The following CNTNAP4 variants were observed in gnomAD, a reference collection of about 807,000 sequenced individuals.
CNTNAP4 encodes contactin associated protein family member 4, also known as contactin-associated protein-like 4.
CNTNAP4 carries 98 observed loss-of-function variants against 148.4 expected under a neutral mutation model. That is an observed-to-expected ratio of 0.66 (90% confidence interval 0.56 to 0.78). The LOEUF is 0.78. CNTNAP4 is among the 30% of genes least tolerant of loss of function. The pLI is 0.00. For synonymous variants in CNTNAP4, 730 were observed against 565.1 expected (o/e 1.29, Z -4.14); for missense variants, 1,935 against 1,565.6 (o/e 1.24, Z -3.98).
At chr16:76,354,430 T>C (rs1484150897) in intron 2 of CNTNAP4, among the ~76,000 whole-genome samples, 1 of 152,176 alleles carries the variant, frequency 6.6e-6, no homozygotes, top group East Asian at 1.9e-4. Flanking sequence ...TACTTCTGAG[T>C]GATCAAGCAC....
In CNTNAP4 at chr16:76,292,495, A is replaced by G. The variant is rs527337183; in HGVS notation, c.85+14748A>G. 1.6e-4 allele frequency among the ~76,000 whole-genome samples: 25 copies of G among 152,154 alleles called. No individual in the cohort carries two copies. In the East Asian group the frequency reaches 4.7e-3, roughly 28 times the overall value. ...CAGCGGCATTACCAATCTTCCCTAC[A>G]TGTGTTCCTCTCTGGAGCTCAGTGC... On this transcript the variant is annotated intron_variant, in intron 1 of 23. Coordinates refer to ENST00000611870, the MANE Select transcript of CNTNAP4 (RefSeq NM_033401.5).
At chr16:76,503,610 T>C (rs1410358580) in intron 15 of CNTNAP4, among the ~76,000 whole-genome samples, 1 of 152,168 alleles carries the variant, frequency 6.6e-6, no homozygotes, top group Non-Finnish European at 1.5e-5. Flanking sequence ...ACATGTGCCA[T>C]GTTGGTGTGC....
At chr16:76,326,380 T>C (rs1459180361) in intron 2 of CNTNAP4, among the ~76,000 whole-genome samples, 3 of 152,210 alleles carry the variant, frequency 2.0e-5, no homozygotes, top group African/African-American at 7.2e-5. Flanking sequence ...TCTTGCCTGA[T>C]GCCAGTTCAT....
intron 21 of CNTNAP4, among the ~76,000 whole-genome samples, chr16:76,548,461 T>G (rs1307275624): frequency 6.6e-6 from 1 of 152,110 alleles, no homozygotes; most frequent in East Asian, 1.9e-4. Context: ...AAAGCACTCC[T>G]TGTAATTGTT....
chr16:76,401,923 G>T (rs1444493780), intron 3 of CNTNAP4, among the ~76,000 whole-genome samples: 1 of 152,158 alleles, frequency 6.6e-6, no homozygotes, highest in East Asian at 1.9e-4. Context: ...GCTTTTTGAA[G>T]TGCTTCTGGA....
chr16:76,434,155 G>A (rs1597522309), intron 4 of CNTNAP4, among the ~76,000 whole-genome samples: 1 of 149,370 alleles, frequency 6.7e-6, no homozygotes, highest in East Asian at 1.9e-4. Flanking sequence ...TAGAAATATT[G>A]AAATATCGAA....
intron 3 of CNTNAP4, among the ~76,000 whole-genome samples, chr16:76,398,129 C>T (rs2078278078): frequency 6.6e-6 from 1 of 150,426 alleles, no homozygotes; most frequent in Admixed American, 6.7e-5. Flanking sequence ...AGGAAGCATC[C>T]AGCGTGGCAG....
intron 4 of CNTNAP4, among the ~76,000 whole-genome samples, chr16:76,434,153 T>C (rs1040079661): frequency 3.3e-5 from 5 of 149,688 alleles, no homozygotes; most frequent in Admixed American, 6.7e-5. Context: ...ACTAGAAATA[T>C]TGAAATATCG....
intron 21 of CNTNAP4, among the ~76,000 whole-genome samples, chr16:76,541,694 T>C (rs73621251): frequency 0.013 from 1,906 of 152,280 alleles, 51 homozygotes; most frequent in African/African-American, 0.043. Context: ...ATTAAACCCA[T>C]AGGTGAATGA....
intron 3 of CNTNAP4, among the ~76,000 whole-genome samples, chr16:76,364,078 A>T (rs191426474): frequency 2.5e-4 from 38 of 151,980 alleles, no homozygotes; most frequent in Middle Eastern, 6.8e-3. Context: ...ATCTATTAAG[A>T]ATACAAAAAT....
chr16:76,292,044 G>T (rs994275782), intron 1 of CNTNAP4, among the ~76,000 whole-genome samples: 1 of 152,172 alleles, frequency 6.6e-6, no homozygotes, highest in Non-Finnish European at 1.5e-5. Flanking sequence ...CTCATTGGTT[G>T]TCCATTGACT....
chr16:76,500,089 G>T (rs1479734799), intron 15 of CNTNAP4, among the ~76,000 whole-genome samples: 1 of 152,138 alleles, frequency 6.6e-6, no homozygotes, highest in Admixed American at 6.5e-5. Flanking sequence ...TCCCTGACGG[G>T]GTGGCGGCGG....
rs888767071 is a variant in CNTNAP4 at position 76,343,044 on chromosome 16, A to G, written c.197-12274A>G. Among the ~76,000 whole-genome samples the G allele has an allele frequency of 3.3e-5, 5 of 152,214 alleles. No individual in the cohort carries two copies. The East Asian group carries it at 5.8e-4, about 18-fold the overall frequency. On this transcript the variant is annotated intron_variant, in intron 2 of 23. Transcript: ENST00000611870. Reference sequence around the variant, plus strand: ...TTCAGGAAAATGCAAGGGTGTGGATAAGATTCATAGTATTGCCAGAAGCAA... The same window carrying G: ...TTCAGGAAAATGCAAGGGTGTGGATGAGATTCATAGTATTGCCAGAAGCAA...
chr16:76,447,408 T>G (rs1228085478), intron 4 of CNTNAP4, among the ~76,000 whole-genome samples: 1 of 150,830 alleles, frequency 6.6e-6, no homozygotes, highest in African/African-American at 2.5e-5. Context: ...TATTTCTAGA[T>G]CATGAATTTT....
intron 2 of CNTNAP4, among the ~76,000 whole-genome samples, chr16:76,348,648 G>C (rs186967173): frequency 6.6e-6 from 1 of 152,072 alleles, no homozygotes; most frequent in Non-Finnish European, 1.5e-5. Flanking sequence ...AGTATCAAAC[G>C]CCACAGATTG....
intron 2 of CNTNAP4, among the ~76,000 whole-genome samples, chr16:76,333,785 T>G (rs1174040177): frequency 3.4e-5 from 5 of 146,908 alleles, no homozygotes; most frequent in African/African-American, 7.5e-5. Context: ...ATAGGTTTTT[T>G]TTTTTTTTTT....
intron 8 of CNTNAP4, among the ~76,000 whole-genome samples, chr16:76,457,542 T>C (rs1284310811): frequency 6.6e-6 from 1 of 152,202 alleles, no homozygotes; most frequent in Non-Finnish European, 1.5e-5. Flanking sequence ...TGCTTCTGTA[T>C]GGACAGTAGG....
chr16:76,545,093 G>C (rs1364568878), intron 21 of CNTNAP4, among the ~76,000 whole-genome samples: 1 of 152,170 alleles, frequency 6.6e-6, no homozygotes, highest in African/African-American at 2.4e-5. Flanking sequence ...TATTTTAAAA[G>C]CATGTTTTAA....
intron 11 of CNTNAP4, among the ~76,000 whole-genome samples, chr16:76,477,268 C>A (rs898481755): frequency 6.6e-6 from 1 of 152,078 alleles, no homozygotes; most frequent in African/African-American, 2.4e-5. Context: ...CATGTTATTT[C>A]ATTGTCCAGT....
Sources: gnomAD v4.1 joint callset for allele counts (sites outside exome capture counted in the v4.1 genomes callset) on GRCh38, gnomAD v4.1.1 for gene constraint, MANE v1.5 for transcripts, NCBI Gene and HGNC (gene_info 2026-07-23, HGNC 2026-07-21) for gene names.